The following NFATC4 variants were observed in gnomAD, a reference collection of about 807,000 sequenced individuals.
The protein encoded by NFATC4 is nuclear factor of activated T-cells, cytoplasmic 4.
In NFATC4, 25 loss-of-function variants were observed where a neutral mutation model predicts 73.4. That is an observed-to-expected ratio of 0.34 (90% CI 0.25 to 0.48). The LOEUF is 0.48. NFATC4 is among the 20% of genes least tolerant of loss of function. The pLI, the probability that NFATC4 is intolerant of heterozygous loss-of-function variation, is 0.99. For synonymous variants in NFATC4, 523 were observed against 510.3 expected (o/e 1.02, Z -0.34); for missense variants, 1,130 against 1,203.7 (o/e 0.94, Z 0.91).
At chr14:24,367,553 C>T, upstream of NFATC4, 1 of 1,536,168 alleles carries the variant, frequency 6.5e-7, no homozygotes, top group African/African-American at 1.4e-5. Context: ...TCCAGGCTGG[C>T]TAAGCGTTCT....
Position 24,373,458 on chromosome 14 carries a change from C to A in NFATC4, c.1559+88C>A. 2.0e-6 allele frequency: 3 copies of A among 1,490,174 alleles called. No homozygotes were observed. The highest frequency in any genetic ancestry group is 2.3e-5 in the East Asian group (1 of 43,638). 92.3% of individuals were successfully genotyped at this position (1,490,174 alleles called of 1,614,324 possible). A position where few individuals can be genotyped will look rare whatever the true frequency, so the allele number is the denominator to read the frequency against. On this transcript the variant is annotated intron_variant, in intron 4 of 9. Transcript: ENST00000250373. This position sits in a 1 kb window ranked among gnomAD's most constrained non-coding sequence, Gnocchi z 4.7. ...ATGCTAGCCCACTTCTTCCTTTTCC[C>A]AGAAGAGGTAGACATTTTTCCTAGG...
chr14:24,367,081 A>G (rs749296691), upstream of NFATC4: 7 of 1,612,622 alleles, frequency 4.3e-6, no homozygotes, highest in African/African-American at 1.3e-5. Context: ...CATCTCTCCT[A>G]CCCGCCAGCC....
chr14:24,377,282 T>A lies in NFATC4; in HGVS notation c.2642-356T>A. The A allele has an allele frequency of 1.6e-6, 2 of 1,253,040 alleles. No homozygotes were observed. The highest frequency in any genetic ancestry group is 2.0e-6 in the Non-Finnish European group (2 of 998,648). 77.6% of individuals were successfully genotyped at this position (1,253,040 alleles called of 1,614,324 possible). ...CCTCAGCTTTCCCCTAAACACGGTGTCTGTGGTCAGGGTTGGTGAGGAGGA... is the reference window on the plus strand; with the variant it reads ...CCTCAGCTTTCCCCTAAACACGGTGACTGTGGTCAGGGTTGGTGAGGAGGA... On this transcript the variant is annotated intron_variant, in intron 9 of 9. Transcript: ENST00000250373. The surrounding 1 kb of genome is among the most constrained non-coding windows in gnomAD (Gnocchi z 4.2).
At chr14:24,367,192 T>C (rs368669068), upstream of NFATC4, 8 of 1,613,342 alleles carry the variant, frequency 5.0e-6, no homozygotes, top group Middle Eastern at 1.6e-4. Context: ...CCAGTCCAGG[T>C]CTTCCTTCCT....
chr14:24,367,616 G>GC (rs1566458975), upstream of NFATC4: 1 of 1,536,128 alleles, frequency 6.5e-7, no homozygotes, highest in Admixed American at 2.0e-5. Context: ...ATTCGGCAGC[G>GC]CAAAGACTTC....
In NFATC4 at chr14:24,373,129, G is replaced by T; in HGVS notation, c.1360-42G>T. On this transcript the variant is annotated intron_variant, in intron 3 of 9. Transcript: ENST00000250373. The surrounding 1 kb of genome is among the most constrained non-coding windows in gnomAD (Gnocchi z 4.7). The stretch of plus-strand genomic sequence containing the variant: ...TCTAGGGATGAATAAAGGATGAGAC[G>T]GTGGGGATTTCAATGAGGTGGCCGC... 6.3e-7 allele frequency: 1 copy of T among 1,582,560 alleles called. No individual in the cohort carries two copies.
In NFATC4 at chr14:24,376,575, G is replaced by T. The variant is rs1213314324; in HGVS notation, c.2338G>T (p.Val780Phe). Reference sequence around the variant, plus strand: ...CACAGGTTGTGCCCAACCACCTGCAGTTTCCTTCCTTCCCCGCCCCTTCCC... The same window carrying T: ...CACAGGTTGTGCCCAACCACCTGCATTTTCCTTCCTTCCCCGCCCCTTCCC... ...GTTGCAQPPA[V>F]SFLPRPFPSD... Residue 780 changes from valine to phenylalanine, a missense_variant, in exon 9 of 10, where the codon GTT becomes TTT. Physicochemically the swap from Val to Phe is conservative, Grantham distance 50 (BLOSUM62 -1). Coordinates refer to ENST00000250373, the MANE Select transcript of NFATC4 (RefSeq NM_004554.5). The surrounding 1 kb of genome is among the most constrained non-coding windows in gnomAD (Gnocchi z 5.0). The T allele has an allele frequency of 6.2e-7, 1 of 1,614,012 alleles. No homozygotes were observed. Among genetic ancestry groups the T allele is most frequent in the Admixed American group, 1.7e-5 (1 of 60,004 alleles).
At chr14:24,367,757 A>G, upstream of NFATC4, 1 of 1,343,022 alleles carries the variant, frequency 7.4e-7, no homozygotes, top group Non-Finnish European at 9.9e-7. Flanking sequence ...GGGGAGGAGA[A>G]GTGGTTCTGC....
At chr14:24,372,374 C>T in intron 2 of NFATC4, 67 bp from the exon 3 acceptor site, 1 of 1,532,714 alleles carries the variant, frequency 6.5e-7, no homozygotes, top group Non-Finnish European at 8.8e-7. Flanking sequence ...TCCTCCCTCA[C>T]AGATCCAGTA....
chr14:24,376,998 T>C lies in NFATC4; in HGVS notation c.2641+120T>C. On this transcript the variant is annotated intron_variant, in intron 9 of 9. Transcript: ENST00000250373. This position sits in a 1 kb window ranked among gnomAD's most constrained non-coding sequence, Gnocchi z 5.0. ...GCATCCCTGGTCTCTCAGGGCCAGT[T>C]GGAGGTTCCCAGGAGGCATGTTCTT... The C allele has an allele frequency of 7.1e-7, 1 of 1,404,224 alleles. No individual in the cohort carries two copies. Among genetic ancestry groups the C allele is most frequent in the Non-Finnish European group, 9.2e-7 (1 of 1,084,282 alleles). The allele number at this position is 1,404,224 out of a possible 1,614,324, so 87.0% of individuals were successfully genotyped here.
intron 2 of NFATC4, among the ~76,000 whole-genome samples, chr14:24,371,018 G>A (rs2042460832): frequency 6.6e-6 from 1 of 152,218 alleles, no homozygotes; most frequent in African/African-American, 2.4e-5. Flanking sequence ...TTTCCACTCT[G>A]TTGCAGGAAA....
At position 24,376,144 on chromosome 14, in the gene NFATC4, G is replaced by A; in HGVS notation, c.2056+43G>A. 1 of 1,613,010 alleles carries A rather than the reference G, an allele frequency of 6.2e-7. No homozygotes were observed. Among genetic ancestry groups the A allele is most frequent in the Non-Finnish European group, 8.5e-7 (1 of 1,179,298 alleles). On this transcript the variant is annotated intron_variant, in intron 8 of 9. Transcript: ENST00000250373. This position sits in a 1 kb window ranked among gnomAD's most constrained non-coding sequence, Gnocchi z 5.0. The stretch of plus-strand genomic sequence containing the variant: ...CCATGGTGGGGGTATAGGGATATGG[G>A]GAGCTGGAGCAGGAGCAGAGGGAAG...
Position 24,376,179 on chromosome 14 carries a change from TC to T in NFATC4, c.2056+79del. 1 of 1,601,620 alleles carries T rather than the reference TC, an allele frequency of 6.2e-7. No individual in the cohort carries two copies. Among genetic ancestry groups the T allele is most frequent in the Non-Finnish European group, 8.5e-7 (1 of 1,172,808 alleles). On this transcript the variant is annotated intron_variant, in intron 8 of 9. Coordinates refer to ENST00000250373, the MANE Select transcript of NFATC4 (RefSeq NM_004554.5). The surrounding 1 kb of genome is among the most constrained non-coding windows in gnomAD (Gnocchi z 5.0). ...CAGGAGCAGAGGGAAGCAGTACTCA[TC>T]ATGAGGGGCCAAGGGGTGAATGGAA...
Position 24,375,709 on chromosome 14 carries a change from C to A in NFATC4, c.1923C>A (p.Ser641Arg), listed in dbSNP as rs1186853598. Residue 641 changes from serine to arginine, a missense_variant, in exon 7 of 10, where the codon AGC becomes AGA. Physicochemically the swap from Ser to Arg is moderately radical, Grantham distance 110. Around this residue, in one of 3 missense-constraint regions of NFATC4, gnomAD observed 390 missense variants for 408.1 expected, o/e 0.96. Transcript: ENST00000250373. The stretch of plus-strand genomic sequence containing the variant: ...AGGCCACAGTGAACCGACTGCAGAG[C>A]AACGAGGTACCAGTGTCACTTGGAT... ...EEEATVNRLQ[S>R]NEVTLTLTVP... 6 of 1,463,078 alleles carry A rather than the reference C, an allele frequency of 4.1e-6. No homozygotes were observed. Among genetic ancestry groups the A allele is most frequent in the Non-Finnish European group, 5.6e-6 (6 of 1,075,548 alleles). The allele number at this position is 1,463,078 out of a possible 1,614,324, so 90.6% of individuals were successfully genotyped here.
chr14:24,377,779 T>G lies in NFATC4; in HGVS notation c.*74T>G. The G allele has an allele frequency of 6.2e-7, 1 of 1,610,734 alleles. No individual in the cohort carries two copies. Among genetic ancestry groups the G allele is most frequent in the Non-Finnish European group, 8.5e-7 (1 of 1,178,158 alleles). ...TGCCCCCTTTCCCTCCTTCCTGGAG[T>G]GGTGGCTACAGAAGCTTGGGGCCAA... On this transcript the variant is annotated 3_prime_UTR_variant, in exon 10 of 10. Transcript: ENST00000250373. This position sits in a 1 kb window ranked among gnomAD's most constrained non-coding sequence, Gnocchi z 4.2.
rs975634361 is a variant in NFATC4, at chr14:24,372,456, C to T, written c.1212C>T (p.Pro404=). 2 of 1,613,604 alleles carry T rather than the reference C, an allele frequency of 1.2e-6. No homozygotes were observed. Among genetic ancestry groups the T allele is most frequent in the African/African-American group, 2.7e-5 (2 of 74,912 alleles). Reference sequence around the variant, plus strand: ...TCCCACCCAGGACCTCTGCCCTACCCCCACTGGACTGGCCTCTGCCCAGCC... The same window carrying T: ...TCCCACCCAGGACCTCTGCCCTACCTCCACTGGACTGGCCTCTGCCCAGCC... ...HSPIFRTSAL[P]PLDWPLPSQY... Residue 404 remains proline (P), a synonymous_variant, in exon 3 of 10, where the codon CCC becomes CCT. Transcript: ENST00000250373.
In NFATC4 at chr14:24,370,094, C is replaced by A. The variant is rs749768884; in HGVS notation, c.696C>A (p.Ser232Arg). ...CATGGACCCCCGAAGATCCCTGGAG[C>A]CTGTATGGTCCAAGCCCCGGAGGCC... Reference protein sequence around the residue: ...PRPWTPEDPWSLYGPSPGGRG... With the variant: ...PRPWTPEDPWRLYGPSPGGRG... Residue 232 changes from serine (S) to arginine (R), a missense_variant, in exon 2 of 10, where the codon AGC becomes AGA. Physicochemically the swap from Ser to Arg is moderately radical, Grantham distance 110. Transcript: ENST00000250373. The A allele has an allele frequency of 1.2e-6, 2 of 1,604,568 alleles. No homozygotes were observed. Among genetic ancestry groups the A allele is most frequent in the Non-Finnish European group, 1.7e-6 (2 of 1,179,778 alleles).
Position 24,376,560 on chromosome 14 carries a change from G to C in NFATC4, c.2323G>C (p.Ala775Pro), listed in dbSNP as rs1180718906. 6.2e-7 allele frequency: 1 copy of C among 1,613,876 alleles called. No individual in the cohort carries two copies. The highest frequency in any genetic ancestry group is 8.5e-7 in the Non-Finnish European group (1 of 1,179,970). The change falls in exon 9 of 10, where the codon GCC becomes CCC. Residue 775 changes from alanine to proline, a missense_variant. Around this residue, in one of 3 missense-constraint regions of NFATC4, gnomAD observed 390 missense variants for 408.1 expected, o/e 0.96. Transcript: ENST00000250373. The surrounding 1 kb of genome is among the most constrained non-coding windows in gnomAD (Gnocchi z 5.0). ...FPETRGTTGCAQPPAVSFLPR... is the reference protein window; with the variant it reads ...FPETRGTTGCPQPPAVSFLPR... ...TGAGACTAGGGGTACCACAGGTTGT[G>C]CCCAACCACCTGCAGTTTCCTTCCT...
upstream of NFATC4, chr14:24,367,242 G>C (rs767634915): frequency 1.2e-6 from 2 of 1,610,660 alleles, no homozygotes; most frequent in Non-Finnish European, 1.7e-6. Context: ...TGTTGGGGGC[G>C]GGGGGGCCAA....
Sources: gnomAD v4.1 joint callset for allele counts (sites outside exome capture counted in the v4.1 genomes callset) on GRCh38, gnomAD v4.1.1 for gene constraint, gnomAD v4.1.1 regional missense constraint, Gnocchi (gnomAD v3.1) non-coding constraint, MANE v1.5 for transcripts, NCBI Gene and HGNC (gene_info 2026-07-23, HGNC 2026-07-21) for gene names.